NFXL1: variants seen among roughly 807,000 people sequenced by gnomAD.
NFXL1 encodes NF-X1-type zinc finger protein NFXL1.
In NFXL1, 66 loss-of-function variants were observed where a neutral mutation model predicts 123.3. The observed-to-expected ratio is 0.54, with a 90% CI of 0.44 to 0.66. The LOEUF (loss-of-function observed/expected upper bound fraction) is 0.66, where lower values mean the gene tolerates loss of function less well. Among genes scored for constraint, NFXL1 ranks in the 30% least tolerant of loss-of-function variants. The pLI, the probability that NFXL1 is intolerant of heterozygous loss-of-function variation, is 0.00. For missense variants in NFXL1, 944 were observed against 1,125.6 expected (o/e 0.84, Z 2.31); for synonymous variants, 346 against 360.8 (o/e 0.96, Z 0.46).
rs548214515 is a variant in NFXL1 at position 47,847,655 on chromosome 4, A to G, written c.*508T>C. 3 of 152,706 alleles carry G rather than the reference A, an allele frequency of 2.0e-5. No homozygotes were observed. The South Asian group carries it at 6.2e-4, about 32-fold the overall frequency. The allele number at this position is 152,706 out of a possible 1,614,324, so 9.5% of individuals were successfully genotyped here. A position where few individuals can be genotyped will look rare whatever the true frequency, so the allele number is the denominator to read the frequency against. On this transcript the variant is annotated 3_prime_UTR_variant, in exon 23 of 23. Transcript: ENST00000507489. Reference sequence around the variant, plus strand: ...ATTGATAAAAATTCCTCACTAATAAACCAATTTCTGAAATCTAATTACATA... The same window carrying G: ...ATTGATAAAAATTCCTCACTAATAAGCCAATTTCTGAAATCTAATTACATA...
intron 18 of NFXL1, among the ~76,000 whole-genome samples, chr4:47,866,669 G>T (rs1487976462): frequency 6.6e-6 from 1 of 152,162 alleles, no homozygotes; most frequent in South Asian, 2.1e-4. Flanking sequence ...CTTTTGAAAG[G>T]CCTCCTTGTA....
At position 47,896,530 on chromosome 4, in the gene NFXL1, C is replaced by T. The variant is rs748118226; in HGVS notation, c.1322G>A (p.Cys441Tyr). 3.1e-6 allele frequency: 5 copies of T among 1,612,694 alleles called. No individual in the cohort carries two copies. The South Asian group carries it at 5.5e-5, about 18-fold the overall frequency. Residue 441 changes from cysteine to tyrosine, a missense_variant, in exon 10 of 23, where the codon TGT (cysteine) becomes TAT (tyrosine). Physicochemically the swap from Cys to Tyr is radical, Grantham distance 194. Around this residue, in one of 4 missense-constraint regions of NFXL1, gnomAD observed 296 missense variants for 395.1 expected, o/e 0.75. Coordinates refer to ENST00000507489, the MANE Select transcript of NFXL1 (RefSeq NM_001278624.2). ...QRCHRGPCET[C>Y]RQEVEKHCRC... is the part of the protein sequence containing the mutation. ...TTACAGGAGATGACTAACTTGTCTA[C>T]ATGTTTCACAGGGACCTCGGTGACA... is the stretch of plus-strand genomic sequence containing the variant.
At chr4:47,864,579 A>G (rs1734947197) in intron 18 of NFXL1, among the ~76,000 whole-genome samples, 1 of 152,138 alleles carries the variant, frequency 6.6e-6, no homozygotes, top group Non-Finnish European at 1.5e-5. Flanking sequence ...GTCTATAATT[A>G]CTAGATCACA....
intron 8 of NFXL1, among the ~76,000 whole-genome samples, chr4:47,898,385 T>C (rs547501912): frequency 1.4e-4 from 22 of 152,248 alleles, no homozygotes; most frequent in African/African-American, 4.8e-4. Flanking sequence ...ATTAAAACCA[T>C]GCCAATTCTA....
chr4:47,909,532 A>G (rs992034577), intron 3 of NFXL1, among the ~76,000 whole-genome samples: 2 of 152,224 alleles, frequency 1.3e-5, no homozygotes, highest in African/African-American at 4.8e-5. Flanking sequence ...ACAGTATACT[A>G]AAGTAAGAAA....
intron 9 of NFXL1, 163 bp from the exon 10 acceptor site, chr4:47,896,810 C>G: frequency 1.8e-6 from 1 of 547,710 alleles, no homozygotes; most frequent in African/African-American, 1.9e-5. Context: ...GAAAATAATC[C>G]CTAATATTTG....
At chr4:47,860,013 A>C (rs1371924704) in intron 19 of NFXL1, among the ~76,000 whole-genome samples, 5 of 152,124 alleles carry the variant, frequency 3.3e-5, no homozygotes, top group African/African-American at 7.2e-5. Flanking sequence ...TGTTAGTCAA[A>C]GTATACAAAA....
intron 14 of NFXL1, 78 bp from the exon 15 acceptor site, chr4:47,884,515 T>C: frequency 1.2e-6 from 1 of 841,202 alleles, no homozygotes; most frequent in Non-Finnish European, 1.9e-6. Flanking sequence ...AGAAAATAGT[T>C]CCATGTATCC....
chr4:47,900,023 TTTAAG>T (rs1267511431), intron 5 of NFXL1, among the ~76,000 whole-genome samples: 2 of 152,178 alleles, frequency 1.3e-5, no homozygotes, highest in East Asian at 1.9e-4. Flanking sequence ...AGCTCAACTT[TTTAAG>T]TTTTGTTTTG....
In NFXL1 at chr4:47,855,126, G is replaced by T; in HGVS notation, c.2354C>A (p.Pro785His). ...GTTGCAGTTAAAGGGACATTCACCA[G>T]GATGACACATCTCTTTGCATCTATG... Reference protein sequence around the residue: ...CGHRCKEMCHPGECPFNCNQK... With the variant: ...CGHRCKEMCHHGECPFNCNQK... Residue 785 changes from proline to histidine, a missense_variant, in exon 20 of 23, where the codon CCT becomes CAT. Pro to His is a moderately conservative substitution (Grantham distance 77, BLOSUM62 -2). Transcript: ENST00000507489. 1.9e-6 allele frequency: 3 copies of T among 1,589,044 alleles called. No individual in the cohort carries two copies. Among genetic ancestry groups the T allele is most frequent in the Admixed American group, 3.5e-5 (2 of 57,886 alleles).
intron 19 of NFXL1, 33 bp downstream of exon 19, chr4:47,862,813 G>A (rs2110045086): frequency 8.7e-7 from 1 of 1,148,956 alleles, no homozygotes; most frequent in African/African-American, 1.6e-5. Context: ...AATGCCCAAG[G>A]AATACAATTT....
Position 47,903,310 on chromosome 4 carries a change from G to T in NFXL1, c.530C>A (p.Ser177Ter). The T allele has an allele frequency of 6.4e-7, 1 of 1,556,172 alleles. No individual in the cohort carries two copies. Among genetic ancestry groups the T allele is most frequent in the Admixed American group, 2.0e-5 (1 of 49,960 alleles). The change falls in exon 5 of 23, where the codon TCG becomes TAG. Residue 177 changes from serine (S) to a stop codon, truncating the protein, a stop_gained. Coordinates refer to ENST00000507489, the MANE Select transcript of NFXL1 (RefSeq NM_001278624.2). LOFTEE classifies it high-confidence loss of function. ...VKRNQAVWSC[S>*]GCFCIFHMPC... ...CATGTGAAATATACAGAAACATCCCGAACAGCTCCAAACCTAAGACAAATG... is the reference window on the plus strand; with the variant it reads ...CATGTGAAATATACAGAAACATCCCTAACAGCTCCAAACCTAAGACAAATG...
At position 47,898,946 on chromosome 4, in the gene NFXL1, T is replaced by C. The variant is rs201087916; in HGVS notation, c.988+13A>G. ...CTTAAAGTCAGAAAAATCTAATGGG[T>C]ATGGCCTTTTACCTGCATGACAAGG... On this transcript the variant is annotated intron_variant, in intron 7 of 22. Coordinates refer to ENST00000507489, the MANE Select transcript of NFXL1 (RefSeq NM_001278624.2). The C allele has an allele frequency of 9.9e-6, 16 of 1,613,782 alleles. No homozygotes were observed. The Admixed American group carries it at 2.2e-4, about 22-fold the overall frequency.
intron 3 of NFXL1, among the ~76,000 whole-genome samples, chr4:47,907,466 T>C (rs938068375): frequency 5.3e-5 from 8 of 152,220 alleles, no homozygotes; most frequent in Non-Finnish European, 1.0e-4. Flanking sequence ...CATGCAAGTT[T>C]GAAATTTGAG....
chr4:47,863,215 A>G (rs1198147092), intron 18 of NFXL1, among the ~76,000 whole-genome samples: 1 of 151,434 alleles, frequency 6.6e-6, no homozygotes, highest in Non-Finnish European at 1.5e-5. Flanking sequence ...TCCTGTAACT[A>G]TCTTTCCCTA....
chr4:47,875,039 A>G, intron 18 of NFXL1, 88 bp downstream of exon 18: 1 of 820,354 alleles, frequency 1.2e-6, no homozygotes, highest in Non-Finnish European at 1.9e-6. Context: ...GAGTTTAAGC[A>G]AAGTACACTA....
chr4:47,898,482 AGAG>A (rs1183393312), intron 8 of NFXL1, among the ~76,000 whole-genome samples: 3 of 152,184 alleles, frequency 2.0e-5, no homozygotes, highest in Non-Finnish European at 2.9e-5. Flanking sequence ...GAGAGGGGAA[AGAG>A]AAGAAGGGGA....
At chr4:47,913,548 T>C (rs1306631678) in intron 2 of NFXL1, among the ~76,000 whole-genome samples, 1 of 152,240 alleles carries the variant, frequency 6.6e-6, no homozygotes, top group African/African-American at 2.4e-5. Flanking sequence ...CCGAGCTGAC[T>C]GTTGCCATGC....
chr4:47,896,836 T>C (rs549932980), intron 9 of NFXL1, 189 bp from the exon 10 acceptor site: 1 of 509,154 alleles, frequency 2.0e-6, no homozygotes, highest in Non-Finnish European at 3.5e-6. Context: ...TTTATGGTTT[T>C]TAAAAAGAAA....
Sources: gnomAD v4.1 joint callset for allele counts (sites outside exome capture counted in the v4.1 genomes callset) on GRCh38, gnomAD v4.1.1 for gene constraint, gnomAD v4.1.1 regional missense constraint, MANE v1.5 for transcripts, NCBI Gene and HGNC (gene_info 2026-07-23, HGNC 2026-07-21) for gene names.